SOX4: variants seen among roughly 807,000 people sequenced by gnomAD.
SOX4 encodes SRY-box transcription factor 4.
For synonymous variants in SOX4, 465 were observed against 348.4 expected (o/e 1.33, Z -3.73); for missense variants, 662 against 694.9 (o/e 0.95, Z 0.53).
chr6:21,595,488 C>A lies in SOX4; in HGVS notation c.954C>A (p.Pro318=). Residue 318 remains proline (P), a synonymous_variant, in exon 1 of 1, where the codon CCC becomes CCA. Coordinates refer to ENST00000244745, the MANE Select transcript of SOX4 (RefSeq NM_003107.3). ...PVGGVGAGAD[P]SDPLGLYEEE... ...GCGGCGTGGGCGCGGGAGCCGACCC[C>A]AGCGACCCCCTGGGCCTGTACGAGG... 1 of 1,424,542 alleles carries A rather than the reference C, an allele frequency of 7.0e-7. No homozygotes were observed. The highest frequency in any genetic ancestry group is 9.2e-7 in the Non-Finnish European group (1 of 1,091,758). The allele number at this position is 1,424,542 out of a possible 1,614,324, so 88.2% of individuals were successfully genotyped here.
chr6:21,594,089 C>A lies in SOX4; in HGVS notation c.-446C>A, dbSNP rs1483145204. ...TGTCGCTTTCCTGAGCTACCGAGAGCGCTCGTGAACTGGAATCAACTGCTT... is the reference window on the plus strand; with the variant it reads ...TGTCGCTTTCCTGAGCTACCGAGAGAGCTCGTGAACTGGAATCAACTGCTT... On this transcript the variant is annotated 5_prime_UTR_variant, in exon 1 of 1. Transcript: ENST00000244745. 6.6e-6 allele frequency: 1 copy of A among 151,292 alleles called. No homozygotes were observed. Among genetic ancestry groups the A allele is most frequent in the Non-Finnish European group, 1.4e-5 (1 of 69,858 alleles). The allele number at this position is 151,292 out of a possible 1,614,324, so 9.4% of individuals were successfully genotyped here. A position where few individuals can be genotyped will look rare whatever the true frequency, so the allele number is the denominator to read the frequency against.
Position 21,595,710 on chromosome 6 carries a change from G to A in SOX4, c.1176G>A (p.Ser392=), listed in dbSNP as rs746984555. 6 of 1,605,778 alleles carry A rather than the reference G, an allele frequency of 3.7e-6. No individual in the cohort carries two copies. In the Admixed American group the frequency reaches 5.1e-5, roughly 14 times the overall value. ...ASSHSSSSSS[S]GSSSSDDEFE... Reference sequence around the variant, plus strand: ...CCCACTCCTCCTCTTCCTCCTCCTCGGGCTCCTCGTCCTCCGACGACGAGT... The same window carrying A: ...CCCACTCCTCCTCTTCCTCCTCCTCAGGCTCCTCGTCCTCCGACGACGAGT... Residue 392 remains serine (S), a synonymous_variant, in exon 1 of 1, where the codon TCG becomes TCA. Transcript: ENST00000244745.
chr6:21,595,402 GAGA>G lies in SOX4; in HGVS notation c.874_876del (p.Lys292del), dbSNP rs747961749. 3.9e-4 allele frequency: 607 copies of G among 1,537,938 alleles called. No individual in the cohort carries two copies. The highest frequency in any genetic ancestry group is 6.1e-4 in the East Asian group (23 of 37,450). ...CGCGGCCCCGGGCAAGCACCTGGCGGAGAAGAAGGTGAAGCGCGTCTACCTGTT... is the reference window on the plus strand; with the variant it reads ...CGCGGCCCCGGGCAAGCACCTGGCGGAGAAGGTGAAGCGCGTCTACCTGTT... On this transcript the variant is annotated inframe_deletion, in exon 1 of 1. Transcript: ENST00000244745.
rs1431314563 is a variant in SOX4 at position 21,595,350 on chromosome 6, C to A, written c.816C>A (p.Ser272=). The change falls in exon 1 of 1, where the codon TCC becomes TCA. Residue 272 remains serine, a synonymous_variant. Transcript: ENST00000244745. The part of the protein sequence containing the change: ...ARTPSASASA[S]SAASASAALA... Reference sequence around the variant, plus strand: ...CTCCCAGCGCCTCGGCCTCCGCCTCCTCGGCAGCCTCGGCCTCCGCAGCGC... The same window carrying A: ...CTCCCAGCGCCTCGGCCTCCGCCTCATCGGCAGCCTCGGCCTCCGCAGCGC... 39 of 1,516,328 alleles carry A rather than the reference C, an allele frequency of 2.6e-5. No individual in the cohort carries two copies. Among genetic ancestry groups the A allele is most frequent in the Non-Finnish European group, 3.2e-5 (37 of 1,140,702 alleles). The allele number at this position is 1,516,328 out of a possible 1,614,324, so 93.9% of individuals were successfully genotyped here.
Position 21,596,140 on chromosome 6 carries a change from T to C in SOX4, c.*181T>C, listed in dbSNP as rs1321552950. The C allele has an allele frequency of 6.7e-6, 7 of 1,044,284 alleles. No homozygotes were observed. In the Admixed American group the frequency reaches 2.8e-4, roughly 41 times the overall value. 64.7% of individuals were successfully genotyped at this position (1,044,284 alleles called of 1,614,324 possible). A position where few individuals can be genotyped will look rare whatever the true frequency, so the allele number is the denominator to read the frequency against. On this transcript the variant is annotated 3_prime_UTR_variant, in exon 1 of 1. Transcript: ENST00000244745. ...CGGATCAAGGAGCGCGGCGGCGTTT[T>C]GGACCCGCGCTCCCATCCCCCACCT...
In SOX4 at chr6:21,595,325, C is replaced by T; in HGVS notation, c.791C>T (p.Thr264Ile). 1 of 1,486,492 alleles carries T rather than the reference C, an allele frequency of 6.7e-7. No individual in the cohort carries two copies. Among genetic ancestry groups the T allele is most frequent in the Non-Finnish European group, 8.9e-7 (1 of 1,124,926 alleles). The allele number at this position is 1,486,492 out of a possible 1,614,324, so 92.1% of individuals were successfully genotyped here. A position where few individuals can be genotyped will look rare whatever the true frequency, so the allele number is the denominator to read the frequency against. The change falls in exon 1 of 1, where the codon ACT becomes ATT. Residue 264 changes from threonine to isoleucine, a missense_variant. Coordinates refer to ENST00000244745, the MANE Select transcript of SOX4 (RefSeq NM_003107.3). Reference sequence around the variant, plus strand: ...CACCACTCGCTGTACAAGGCGCGGACTCCCAGCGCCTCGGCCTCCGCCTCC... The same window carrying T: ...CACCACTCGCTGTACAAGGCGCGGATTCCCAGCGCCTCGGCCTCCGCCTCC... ...ADHHSLYKAR[T>I]PSASASASSA...
At position 21,598,575 on chromosome 6, in the gene SOX4, CTT is replaced by C. The variant is rs376065005; in HGVS notation, c.*2622_*2623del. The C allele has an allele frequency of 5.3e-4, 88 of 166,752 alleles. No homozygotes were observed. Among genetic ancestry groups the C allele is most frequent in the African/African-American group, 2.0e-3 (85 of 41,534 alleles). 10.3% of individuals were successfully genotyped at this position (166,752 alleles called of 1,614,324 possible). ...GTTGATATATACCTTCTGTAAATAACTTTTTTTGAGAAGGAAATAAAATCAGC... is the reference window on the plus strand; with the variant it reads ...GTTGATATATACCTTCTGTAAATAACTTTTTGAGAAGGAAATAAAATCAGC... On this transcript the variant is annotated 3_prime_UTR_variant, in exon 1 of 1. Coordinates refer to ENST00000244745, the MANE Select transcript of SOX4 (RefSeq NM_003107.3).
In SOX4 at chr6:21,594,390, G is replaced by A; in HGVS notation, c.-145G>A. Reference sequence around the variant, plus strand: ...TCTCTCTTTACCCACCTCCGCCCCTGCGAGGAGTTGAGGGGCCAGTTCGGC... The same window carrying A: ...TCTCTCTTTACCCACCTCCGCCCCTACGAGGAGTTGAGGGGCCAGTTCGGC... On this transcript the variant is annotated 5_prime_UTR_variant, in exon 1 of 1. Coordinates refer to ENST00000244745, the MANE Select transcript of SOX4 (RefSeq NM_003107.3). 9.6e-7 allele frequency: 1 copy of A among 1,045,636 alleles called. No homozygotes were observed. Among genetic ancestry groups the A allele is most frequent in the Non-Finnish European group, 1.2e-6 (1 of 801,930 alleles). 64.8% of individuals were successfully genotyped at this position (1,045,636 alleles called of 1,614,324 possible).
Position 21,595,132 on chromosome 6 carries a change from G to T in SOX4, c.598G>T (p.Gly200Cys), listed in dbSNP as rs1391362203. 5.2e-6 allele frequency: 7 copies of T among 1,357,384 alleles called. No homozygotes were observed. The highest frequency in any genetic ancestry group is 5.6e-6 in the Non-Finnish European group (6 of 1,062,770). The allele number at this position is 1,357,384 out of a possible 1,614,324, so 84.1% of individuals were successfully genotyped here. ...CAAACCGGCGCAGAAAAAGAGCTGC[G>T]GCTCCAAAGTGGCGGGCGGCGCGGG... ...NSKPAQKKSC[G>C]SKVAGGAGGG... The change falls in exon 1 of 1, where the codon GGC (glycine) becomes TGC (cysteine). Residue 200 changes from glycine (G) to cysteine (C), a missense_variant. Physicochemically the swap from Gly to Cys is radical, Grantham distance 159. Transcript: ENST00000244745.
chr6:21,595,071 A>G lies in SOX4; in HGVS notation c.537A>G (p.Gly179=). ...GCGGCGGGAGCAGCAACGCGGGGGG[A>G]GGAGGCGGCGGTGCGAGTGGCGGCG... ...GGGGGSSNAG[G]GGGGASGGGA... The change falls in exon 1 of 1, where the codon GGA becomes GGG. Residue 179 remains glycine (G), a synonymous_variant. Coordinates refer to ENST00000244745, the MANE Select transcript of SOX4 (RefSeq NM_003107.3). 2.1e-6 allele frequency: 3 copies of G among 1,409,920 alleles called. No homozygotes were observed. The highest frequency in any genetic ancestry group is 2.8e-6 in the Non-Finnish European group (3 of 1,089,640). The allele number at this position is 1,409,920 out of a possible 1,614,324, so 87.3% of individuals were successfully genotyped here. A position where few individuals can be genotyped will look rare whatever the true frequency, so the allele number is the denominator to read the frequency against.
rs1380937307 is a variant in SOX4, at chr6:21,595,752, C to T, written c.1218C>T (p.Leu406=). ...ACGACGAGTTCGAAGACGACCTGCT[C>T]GACCTGAACCCCAGCTCAAACTTTG... ...SSDDEFEDDL[L]DLNPSSNFES... The change falls in exon 1 of 1, where the codon CTC becomes CTT. Residue 406 remains leucine, a synonymous_variant. Coordinates refer to ENST00000244745, the MANE Select transcript of SOX4 (RefSeq NM_003107.3). The T allele has an allele frequency of 6.2e-7, 1 of 1,613,270 alleles. No homozygotes were observed. The highest frequency in any genetic ancestry group is 1.7e-5 in the Admixed American group (1 of 59,994).
Position 21,598,434 on chromosome 6 carries a change from C to T in SOX4, c.*2475C>T, listed in dbSNP as rs762176006. The T allele has an allele frequency of 2.5e-4, 42 of 166,860 alleles. No homozygotes were observed. Among genetic ancestry groups the T allele is most frequent in the Non-Finnish European group, 4.1e-4 (28 of 68,094 alleles). 10.3% of individuals were successfully genotyped at this position (166,860 alleles called of 1,614,324 possible). A position where few individuals can be genotyped will look rare whatever the true frequency, so the allele number is the denominator to read the frequency against. Reference sequence around the variant, plus strand: ...ACTTTTTTTTGCCATCCATCCTGTGCAATATGCCGTGTAGAATATTTGTCT... The same window carrying T: ...ACTTTTTTTTGCCATCCATCCTGTGTAATATGCCGTGTAGAATATTTGTCT... On this transcript the variant is annotated 3_prime_UTR_variant, in exon 1 of 1. Transcript: ENST00000244745.
rs1763198366 is a variant in SOX4, at chr6:21,597,540, T to TGG, written c.*1581_*1582insGG. 1.3e-5 allele frequency: 2 copies of TGG among 151,432 alleles called. No homozygotes were observed. The highest frequency in any genetic ancestry group is 3.1e-5 in the Non-Finnish European group (2 of 65,124). The allele number at this position is 151,432 out of a possible 1,614,324, so 9.4% of individuals were successfully genotyped here. ...TTTTTTTCTTTTTTTTTTTTTTTTTTTGGTAGTTGTTGTTACCCACGCCAT... is the reference window on the plus strand; with the variant it reads ...TTTTTTTCTTTTTTTTTTTTTTTTTTGGTGGTAGTTGTTGTTACCCACGCCAT... On this transcript the variant is annotated 3_prime_UTR_variant, in exon 1 of 1. Coordinates refer to ENST00000244745, the MANE Select transcript of SOX4 (RefSeq NM_003107.3).
chr6:21,594,426 G>T lies in SOX4; in HGVS notation c.-109G>T, dbSNP rs1310172202. 2.3e-6 allele frequency: 3 copies of T among 1,302,710 alleles called. No homozygotes were observed. Among genetic ancestry groups the T allele is most frequent in the African/African-American group, 3.1e-5 (2 of 64,326 alleles). The allele number at this position is 1,302,710 out of a possible 1,614,324, so 80.7% of individuals were successfully genotyped here. On this transcript the variant is annotated 5_prime_UTR_variant, in exon 1 of 1. Transcript: ENST00000244745. ...AGGGGCCAGTTCGGCCGCCGCGCGCGTCTTCCCGTTCGGCGTGTGCTTGGC... is the reference window on the plus strand; with the variant it reads ...AGGGGCCAGTTCGGCCGCCGCGCGCTTCTTCCCGTTCGGCGTGTGCTTGGC...
chr6:21,594,959 G>C lies in SOX4; in HGVS notation c.425G>C (p.Ser142Thr). ...GTGAAGTCCGGCAACGCCAACTCCA[G>C]CTCCTCGGCCGCCGCCTCCTCCAAG... ...KKVKSGNANS[S>T]SSAAASSKPG... Residue 142 changes from serine to threonine, a missense_variant, in exon 1 of 1, where the codon AGC (serine) becomes ACC (threonine). Ser to Thr is a moderately conservative substitution (Grantham distance 58). Coordinates refer to ENST00000244745, the MANE Select transcript of SOX4 (RefSeq NM_003107.3). 6.2e-7 allele frequency: 1 copy of C among 1,605,106 alleles called. No homozygotes were observed. The highest frequency in any genetic ancestry group is 8.5e-7 in the Non-Finnish European group (1 of 1,175,778).
rs1231233639 is a variant in SOX4 at position 21,597,511 on chromosome 6, CTTTTTTTTTTCT to C, written c.*1563_*1574del. 90 of 101,960 alleles carry C rather than the reference CTTTTTTTTTTCT, an allele frequency of 8.8e-4. No homozygotes were observed. Among genetic ancestry groups the C allele is most frequent in the Middle Eastern group, 5.9e-3 (1 of 170 alleles). 6.3% of individuals were successfully genotyped at this position (101,960 alleles called of 1,614,324 possible). A position where few individuals can be genotyped will look rare whatever the true frequency, so the allele number is the denominator to read the frequency against. On this transcript the variant is annotated 3_prime_UTR_variant, in exon 1 of 1. Coordinates refer to ENST00000244745, the MANE Select transcript of SOX4 (RefSeq NM_003107.3). ...TTTATTCCTTCCTTTTCCTTTTTTTCTTTTTTTTTTCTTTTTTTTTTTTTTTTTTTGGTAGTT... is the reference window on the plus strand; with the variant it reads ...TTTATTCCTTCCTTTTCCTTTTTTTCTTTTTTTTTTTTTTTTTTGGTAGTT...
chr6:21,598,081 G>C lies in SOX4; in HGVS notation c.*2122G>C, dbSNP rs1233845081. 6.0e-6 allele frequency: 1 copy of C among 166,918 alleles called. No individual in the cohort carries two copies. The highest frequency in any genetic ancestry group is 1.5e-5 in the Non-Finnish European group (1 of 68,112). The allele number at this position is 166,918 out of a possible 1,614,324, so 10.3% of individuals were successfully genotyped here. ...TTGCACTTTTTTTATAAGCAAAAAC[G>C]TGCCGTTTAAACCACTGGATCTATC... On this transcript the variant is annotated 3_prime_UTR_variant, in exon 1 of 1. Coordinates refer to ENST00000244745, the MANE Select transcript of SOX4 (RefSeq NM_003107.3).
chr6:21,597,014 C>G lies in SOX4; in HGVS notation c.*1055C>G, dbSNP rs939468203. The stretch of plus-strand genomic sequence containing the variant: ...AAGAAAAAAAAAAGATTTTTTTCTT[C>G]TCTTAATCGGAATCGTGATGGTGTT... On this transcript the variant is annotated 3_prime_UTR_variant, in exon 1 of 1. Coordinates refer to ENST00000244745, the MANE Select transcript of SOX4 (RefSeq NM_003107.3). The G allele has an allele frequency of 6.1e-6, 1 of 164,478 alleles. No homozygotes were observed. Among genetic ancestry groups the G allele is most frequent in the Non-Finnish European group, 1.5e-5 (1 of 67,568 alleles). 10.2% of individuals were successfully genotyped at this position (164,478 alleles called of 1,614,324 possible). A position where few individuals can be genotyped will look rare whatever the true frequency, so the allele number is the denominator to read the frequency against.
rs1763194447 is a variant in SOX4 at position 21,597,511 on chromosome 6, C to CTTTTTTTTTCTTTTTTTTT, written c.*1561_*1562insCTTTTTTTTTTTTTTTTTT. 2 of 101,942 alleles carry CTTTTTTTTTCTTTTTTTTT rather than the reference C, an allele frequency of 2.0e-5. No homozygotes were observed. Among genetic ancestry groups the CTTTTTTTTTCTTTTTTTTT allele is most frequent in the African/African-American group, 7.7e-5 (2 of 25,876 alleles). 6.3% of individuals were successfully genotyped at this position (101,942 alleles called of 1,614,324 possible). ...TTTATTCCTTCCTTTTCCTTTTTTTCTTTTTTTTTTCTTTTTTTTTTTTTT... is the reference window on the plus strand; with the variant it reads ...TTTATTCCTTCCTTTTCCTTTTTTTCTTTTTTTTTCTTTTTTTTTTTTTTTTTTTCTTTTTTTTTTTTTT... On this transcript the variant is annotated 3_prime_UTR_variant, in exon 1 of 1. Transcript: ENST00000244745.
Sources: gnomAD v4.1 joint callset for allele counts on GRCh38, gnomAD v4.1.1 for gene constraint, MANE v1.5 for transcripts, NCBI Gene and HGNC (gene_info 2026-07-23, HGNC 2026-07-21) for gene names.